Variants in CAVIN4 observed in about 807,000 individuals in gnomAD.
CAVIN4 encodes the protein caveolae associated protein 4, also known as caveolae-associated protein 4.
Under a neutral mutation model 18.6 loss-of-function variants are expected in CAVIN4, and 10 were observed. The observed-to-expected ratio is 0.54, with a 90% confidence interval of 0.33 to 0.91. The LOEUF (loss-of-function observed/expected upper bound fraction) is 0.91, where lower values mean the gene tolerates loss of function less well. Among genes scored for constraint, CAVIN4 ranks in the 40% least tolerant of loss-of-function variants. The pLI is 0.02. For synonymous variants in CAVIN4, 173 were observed against 164.8 expected (o/e 1.05, Z -0.38); for missense variants, 459 against 440.5 (o/e 1.04, Z -0.38).
rs752773619 is a variant in CAVIN4, at chr9:100,578,340, A to G, written c.197A>G (p.Lys66Arg). The change falls in exon 1 of 2, where the codon AAA becomes AGA. Residue 66 changes from lysine (K) to arginine (R), a missense_variant. By Grantham distance (26) the Lys-to-Arg change is conservative. Transcript: ENST00000307584. Reference protein sequence around the residue: ...ERHREMENAIKSVQIDLLKLS... With the variant: ...ERHREMENAIRSVQIDLLKLS... The stretch of plus-strand genomic sequence containing the variant: ...CACAGGGAAATGGAAAATGCCATAA[A>G]ATCCGTCCAGATTGACCTGTTGAAG... 9.9e-6 allele frequency: 16 copies of G among 1,614,096 alleles called. No individual in the cohort carries two copies. In the East Asian group the frequency reaches 3.6e-4, roughly 36 times the overall value.
At chr9:100,583,999 C>T (rs1241418520) in intron 1 of CAVIN4, among the ~76,000 whole-genome samples, 1 of 152,164 alleles carries the variant, frequency 6.6e-6, no homozygotes, top group Non-Finnish European at 1.5e-5. Flanking sequence ...CCATTGGATA[C>T]AGAGCATTGC....
rs574501648 is a variant in CAVIN4, at chr9:100,578,577, G to T, written c.408+26G>T. 3.1e-6 allele frequency: 5 copies of T among 1,611,304 alleles called. No individual in the cohort carries two copies. In the East Asian group the frequency reaches 1.1e-4, roughly 36 times the overall value. On this transcript the variant is annotated intron_variant, in intron 1 of 1. Transcript: ENST00000307584. Reference sequence around the variant, plus strand: ...GTAAGCTTGCACTTGTGTTCAGCTTGCTTGTTCTAATCTCTTGCATCTTTT... The same window carrying T: ...GTAAGCTTGCACTTGTGTTCAGCTTTCTTGTTCTAATCTCTTGCATCTTTT...
upstream of CAVIN4, chr9:100,577,965 G>C (rs1287350489): frequency 1.7e-6 from 1 of 595,426 alleles, no homozygotes; most frequent in Non-Finnish European, 3.0e-6. Flanking sequence ...TGCTTTGCAA[G>C]GGTTCAGATT....
rs1564034624 is a variant in CAVIN4, at chr9:100,586,734, C to CT, written c.*284dup. On this transcript the variant is annotated 3_prime_UTR_variant, in exon 2 of 2. Transcript: ENST00000307584. ...TGCGGCCGTCATTTGCAGGAGAACT[C>CT]TAAATATTGGTTAGGATTAATATTG... The CT allele has an allele frequency of 1.1e-5, 3 of 268,376 alleles. No individual in the cohort carries two copies. Among genetic ancestry groups the CT allele is most frequent in the African/African-American group, 6.7e-5 (3 of 44,476 alleles). 16.6% of individuals were successfully genotyped at this position (268,376 alleles called of 1,614,324 possible). A position where few individuals can be genotyped will look rare whatever the true frequency, so the allele number is the denominator to read the frequency against.
upstream of CAVIN4, chr9:100,577,246 TAACA>T (rs980949588): frequency 3.3e-5 from 5 of 152,624 alleles, no homozygotes; most frequent in African/African-American, 1.2e-4. Flanking sequence ...ATAGGCTGTT[TAACA>T]AACAGATTGG....
chr9:100,584,754 G>A (rs1839460190), intron 1 of CAVIN4, among the ~76,000 whole-genome samples: 1 of 152,222 alleles, frequency 6.6e-6, no homozygotes, highest in Non-Finnish European at 1.5e-5. Context: ...GGTAGCATGT[G>A]CCTGTAGTCC....
chr9:100,586,148 C>G lies in CAVIN4; in HGVS notation c.792C>G (p.Pro264=). ...AGAAATCTATTTCTAATGCAGCTCC[C>G]TCAAAGGAAGCTTTTAAGATGCGCA... ...RFKKSISNAA[P]SKEAFKMRSL... Residue 264 remains proline (P), a synonymous_variant, in exon 2 of 2, where the codon CCC becomes CCG. Coordinates refer to ENST00000307584, the MANE Select transcript of CAVIN4 (RefSeq NM_001018116.2). The G allele has an allele frequency of 1.9e-6, 3 of 1,572,964 alleles. No individual in the cohort carries two copies. The highest frequency in any genetic ancestry group is 2.6e-6 in the Non-Finnish European group (3 of 1,162,192).
chr9:100,578,130 G>T lies in CAVIN4; in HGVS notation c.-14G>T. ...GATTGTGGTTAGGACATCTTACGCT[G>T]AGAAATAAATAAAATGGAACATAAT... On this transcript the variant is annotated 5_prime_UTR_variant, in exon 1 of 2. Coordinates refer to ENST00000307584, the MANE Select transcript of CAVIN4 (RefSeq NM_001018116.2). 6.2e-7 allele frequency: 1 copy of T among 1,613,196 alleles called. No individual in the cohort carries two copies. Among genetic ancestry groups the T allele is most frequent in the South Asian group, 1.1e-5 (1 of 90,814 alleles).
At chr9:100,583,910 G>A (rs142615349) in intron 1 of CAVIN4, among the ~76,000 whole-genome samples, 1 of 152,330 alleles carries the variant, frequency 6.6e-6, no homozygotes, top group East Asian at 1.9e-4. Flanking sequence ...CTTCCAGAGT[G>A]TTGGGATTAC....
chr9:100,585,021 C>T (rs1024001579), intron 1 of CAVIN4, among the ~76,000 whole-genome samples: 2 of 152,116 alleles, frequency 1.3e-5, no homozygotes, highest in Non-Finnish European at 2.9e-5. Context: ...TTGAGCTCTT[C>T]GTTGAGTATT....
upstream of CAVIN4, chr9:100,577,638 G>A (rs1027023416): frequency 2.0e-4 from 30 of 152,520 alleles, no homozygotes; most frequent in African/African-American, 7.2e-4. Flanking sequence ...TTCACTATAT[G>A]GCCTCTGTTT....
rs1839385488 is a variant in CAVIN4 at position 100,578,118 on chromosome 9, A to G, written c.-26A>G. The G allele has an allele frequency of 6.2e-7, 1 of 1,612,216 alleles. No homozygotes were observed. ...AGTGCCAGAATTGATTGTGGTTAGG[A>G]CATCTTACGCTGAGAAATAAATAAA... On this transcript the variant is annotated 5_prime_UTR_variant, in exon 1 of 2. Transcript: ENST00000307584.
At position 100,585,695 on chromosome 9, in the gene CAVIN4, C is replaced by G. The variant is rs574304255; in HGVS notation, c.409-70C>G. The G allele has an allele frequency of 9.5e-5, 115 of 1,206,908 alleles. 2 individuals carry two copies. The South Asian group carries it at 1.3e-3, about 14-fold the overall frequency. The allele number at this position is 1,206,908 out of a possible 1,614,324, so 74.8% of individuals were successfully genotyped here. On this transcript the variant is annotated intron_variant, in intron 1 of 1. Transcript: ENST00000307584. ...GCCCATGGAGATTTACAAGGCATGG[C>G]CAGAAGGTAAAAGAGCTGCTCTATA... is the stretch of plus-strand genomic sequence containing the variant.
Position 100,586,542 on chromosome 9 carries a change from G to A in CAVIN4, c.*91G>A. 1.1e-6 allele frequency: 1 copy of A among 891,802 alleles called. No individual in the cohort carries two copies. Among genetic ancestry groups the A allele is most frequent in the Non-Finnish European group, 1.7e-6 (1 of 596,424 alleles). 55.2% of individuals were successfully genotyped at this position (891,802 alleles called of 1,614,324 possible). ...TCGTCTACATTTCTGTGCCATGTAG[G>A]AAAACATAAATGTATTTTTTTTCTT... On this transcript the variant is annotated 3_prime_UTR_variant, in exon 2 of 2. Coordinates refer to ENST00000307584, the MANE Select transcript of CAVIN4 (RefSeq NM_001018116.2).
intron 1 of CAVIN4, among the ~76,000 whole-genome samples, chr9:100,579,484 A>C (rs1201962273): frequency 6.6e-6 from 1 of 152,216 alleles, no homozygotes; most frequent in Non-Finnish European, 1.5e-5. Context: ...CCCAGAGGTT[A>C]ATTTAAGGAT....
intron 1 of CAVIN4, chr9:100,581,277 G>C (rs1451044576): frequency 6.6e-6 from 1 of 152,392 alleles, no homozygotes; most frequent in Non-Finnish European, 1.5e-5. Context: ...CACATGGAGC[G>C]GTGAGGGAGG....
At position 100,586,428 on chromosome 9, in the gene CAVIN4, T is replaced by A. The variant is rs761642781; in HGVS notation, c.1072T>A (p.Leu358Ile). The change falls in exon 2 of 2, where the codon TTA becomes ATA. Residue 358 changes from leucine (L) to isoleucine (I), a missense_variant. Physicochemically the swap from Leu to Ile is conservative, Grantham distance 5. Transcript: ENST00000307584. ...AGTAGAGGATGATGAATCTCTTTTG[T>A]TAGATTTAAAGCACTCATCGTAAAG... ...VKVEDDESLL[L>I]DLKHSS is the part of the protein sequence containing the mutation. 4.3e-6 allele frequency: 7 copies of A among 1,613,706 alleles called. 1 individual carries two copies. The South Asian group carries it at 5.5e-5, about 13-fold the overall frequency.
At chr9:100,579,501 A>G (rs1256862853) in intron 1 of CAVIN4, among the ~76,000 whole-genome samples, 1 of 152,254 alleles carries the variant, frequency 6.6e-6, no homozygotes, top group Non-Finnish European at 1.5e-5. Flanking sequence ...GGATTGGGAA[A>G]AAACACTTTC....
At chr9:100,582,323 C>T (rs534358506) in intron 1 of CAVIN4, among the ~76,000 whole-genome samples, 3 of 148,950 alleles carry the variant, frequency 2.0e-5, no homozygotes, top group South Asian at 2.1e-4. Flanking sequence ...ACATTTGACA[C>T]GATTGGACCT....
Sources: allele counts gnomAD v4.1 joint callset (sites outside exome capture counted in the v4.1 genomes callset), GRCh38; gene constraint gnomAD v4.1.1; transcripts MANE v1.5; gene names NCBI Gene and HGNC (gene_info 2026-07-23, HGNC 2026-07-21).